Variants in CABIN1 observed in about 807,000 individuals in gnomAD.
CABIN1 encodes the protein calcineurin binding protein 1.
In CABIN1, 133 loss-of-function variants were observed where a neutral mutation model predicts 227.7. That is an observed-to-expected ratio of 0.58 (90% CI 0.51 to 0.67). The LOEUF is 0.67. Among genes scored for constraint, CABIN1 ranks in the 30% least tolerant of loss-of-function variants. CABIN1 has a pLI of 0.00. For missense variants in CABIN1, 2,408 were observed against 2,852.5 expected (o/e 0.84, Z 3.55); for synonymous variants, 1,086 against 1,155.1 (o/e 0.94, Z 1.21).
intron 5 of CABIN1, 76 bp from the exon 6 acceptor site, chr22:24,042,828 G>C (rs1484204718): frequency 2.7e-4 from 152 of 564,884 alleles, no homozygotes; most frequent in African/African-American, 2.0e-3. Flanking sequence ...CTGTGTGTGT[G>C]TGTGTGTGTG....
chr22:24,041,983 A>G, intron 5 of CABIN1, among the ~76,000 whole-genome samples: 1 of 152,230 alleles, frequency 6.6e-6, no homozygotes. Flanking sequence ...ACAGGGTCTC[A>G]GTCTGTTGCC....
rs1207747658 is a variant in CABIN1, at chr22:24,171,984, C to T, written c.6029C>T (p.Ser2010Phe). ...CCTGAAGCTACCCCCAGCATGGCCTCTCTGGGCCCAGGTGAGTCCCATCCC... is the reference window on the plus strand; with the variant it reads ...CCTGAAGCTACCCCCAGCATGGCCTTTCTGGGCCCAGGTGAGTCCCATCCC... The part of the protein sequence containing the change: ...HRPEATPSMA[S>F]LGPEGEELAR... Residue 2010 changes from serine (S) to phenylalanine (F), a missense_variant, in exon 34 of 37, where the codon TCT becomes TTT. Ser to Phe is a radical substitution (Grantham distance 155). Transcript: ENST00000263119. The T allele has an allele frequency of 8.7e-6, 14 of 1,611,464 alleles. No individual in the cohort carries two copies. Among genetic ancestry groups the T allele is most frequent in the Non-Finnish European group, 1.1e-5 (13 of 1,179,838 alleles).
At chr22:24,122,041 C>T (rs1013485266) in intron 28 of CABIN1, among the ~76,000 whole-genome samples, 12 of 152,120 alleles carry the variant, frequency 7.9e-5, no homozygotes, top group African/African-American at 2.6e-4. Context: ...AGTTGAGTAG[C>T]GATACGGGCC....
At chr22:24,153,795 T>C (rs1259274373) in intron 29 of CABIN1, among the ~76,000 whole-genome samples, 1 of 152,054 alleles carries the variant, frequency 6.6e-6, no homozygotes, top group Non-Finnish European at 1.5e-5. Flanking sequence ...AGCAACATTC[T>C]CCCAGGGAAG....
chr22:24,108,334 C>G (rs756570084), intron 26 of CABIN1, among the ~76,000 whole-genome samples: 2 of 152,190 alleles, frequency 1.3e-5, no homozygotes, highest in African/African-American at 2.4e-5. Flanking sequence ...ACACAGCCAG[C>G]AAATGGGCTG....
At chr22:24,054,320 C>A (rs1159616493) in intron 8 of CABIN1, among the ~76,000 whole-genome samples, 4 of 152,142 alleles carry the variant, frequency 2.6e-5, no homozygotes, top group African/African-American at 9.7e-5. Flanking sequence ...CCACACCATA[C>A]CACAACAAAA....
intron 34 of CABIN1, 120 bp downstream of exon 34, chr22:24,172,115 C>T (rs746191585): frequency 1.4e-5 from 18 of 1,272,924 alleles, no homozygotes; most frequent in Non-Finnish European, 1.7e-5. Context: ...CAGTCGATCC[C>T]ACAGGGTGGC....
chr22:24,119,718 A>AG lies in CABIN1; in HGVS notation c.4632+25dup. 6.2e-7 allele frequency: 1 copy of AG among 1,610,306 alleles called. No individual in the cohort carries two copies. The highest frequency in any genetic ancestry group is 8.5e-7 in the Non-Finnish European group (1 of 1,176,952). ...CACCGGGTGAGTGGCTGCCGGGCCA[A>AG]GGGGGCTTGGATCTTCCCAGGGCAG... On this transcript the variant is annotated intron_variant, in intron 28 of 36. Coordinates refer to ENST00000263119, the MANE Select transcript of CABIN1 (RefSeq NM_012295.4).
intron 1 of CABIN1, among the ~76,000 whole-genome samples, chr22:24,027,940 GTTT>G (rs765677302): frequency 7.1e-6 from 1 of 141,716 alleles, no homozygotes. Flanking sequence ...CTACTGGCAG[GTTT>G]TTTTTTTTTT....
chr22:24,018,550 A>T (rs1206381438), intron 1 of CABIN1, among the ~76,000 whole-genome samples: 1 of 152,190 alleles, frequency 6.6e-6, no homozygotes, highest in Non-Finnish European at 1.5e-5. Flanking sequence ...TACAAAGTTC[A>T]TCTTGACTCT....
chr22:24,025,553 C>T (rs1252727600), intron 1 of CABIN1, among the ~76,000 whole-genome samples: 1 of 152,100 alleles, frequency 6.6e-6, no homozygotes, highest in Non-Finnish European at 1.5e-5. Flanking sequence ...AGTGGTGGGG[C>T]CGAGGAATGG....
At chr22:24,114,466 G>A (rs1290571687) in intron 27 of CABIN1, among the ~76,000 whole-genome samples, 2 of 152,180 alleles carry the variant, frequency 1.3e-5, no homozygotes, top group Non-Finnish European at 2.9e-5. Context: ...TTCTGTGCTG[G>A]GCACTGTGTT....
intron 24 of CABIN1, 163 bp downstream of exon 24, chr22:24,092,006 C>A: frequency 1.3e-6 from 1 of 791,610 alleles, no homozygotes; most frequent in Non-Finnish European, 2.0e-6. Context: ...ACATCATTTC[C>A]TCTCTTTTCC....
chr22:24,075,054 A>G (rs2040343280), intron 18 of CABIN1, among the ~76,000 whole-genome samples: 1 of 152,150 alleles, frequency 6.6e-6, no homozygotes, highest in Admixed American at 6.5e-5. Flanking sequence ...AATTTAAAAA[A>G]TTAGCCAGGT....
In CABIN1 at chr22:24,177,954, G is replaced by C; in HGVS notation, c.6520-99G>C. On this transcript the variant is annotated intron_variant, in intron 36 of 36. Transcript: ENST00000263119. The surrounding 1 kb of genome is among the most constrained non-coding windows in gnomAD (Gnocchi z 4.4). ...GCATAGGGGCCTGGGGCAGGGGTGA[G>C]GGTGGGAGGGGGGCCTGGGGCAGGG... 1 of 1,574,182 alleles carries C rather than the reference G, an allele frequency of 6.4e-7. No individual in the cohort carries two copies. Among genetic ancestry groups the C allele is most frequent in the Non-Finnish European group, 8.6e-7 (1 of 1,157,332 alleles).
intron 19 of CABIN1, among the ~76,000 whole-genome samples, chr22:24,078,139 G>A (rs1044009136): frequency 6.6e-6 from 1 of 151,946 alleles, no homozygotes; most frequent in Non-Finnish European, 1.5e-5. Flanking sequence ...TTTCTCTCTT[G>A]CCACATGCTG....
At chr22:24,034,450 T>C (rs534701566) in intron 1 of CABIN1, among the ~76,000 whole-genome samples, 15 of 152,382 alleles carry the variant, frequency 9.8e-5, no homozygotes, top group Non-Finnish European at 2.1e-4. Flanking sequence ...CTTTTTATGA[T>C]TGAATAATAA....
chr22:24,066,190 A>G (rs1283370670), intron 15 of CABIN1, among the ~76,000 whole-genome samples: 1 of 152,238 alleles, frequency 6.6e-6, no homozygotes, highest in African/African-American at 2.4e-5. Flanking sequence ...TTGGGAAGAC[A>G]GGAGAGGCCT....
At chr22:24,176,561 C>A (rs567801101) in intron 35 of CABIN1, among the ~76,000 whole-genome samples, 1 of 152,124 alleles carries the variant, frequency 6.6e-6, no homozygotes, top group Non-Finnish European at 1.5e-5. Context: ...CGAGGGCAGG[C>A]GGCCTGCTTG....
Sources: gnomAD v4.1 joint callset for allele counts (sites outside exome capture counted in the v4.1 genomes callset) on GRCh38, gnomAD v4.1.1 for gene constraint, Gnocchi (gnomAD v3.1) non-coding constraint, MANE v1.5 for transcripts, NCBI Gene and HGNC (gene_info 2026-07-23, HGNC 2026-07-21) for gene names.